FAM184B: variants seen among roughly 807,000 people sequenced by gnomAD.
FAM184B encodes family with sequence similarity 184 member B.
A neutral mutation model predicts 135.9 loss-of-function variants in FAM184B; 111 were observed. That is an observed-to-expected ratio of 0.82 (90% CI 0.70 to 0.96). The LOEUF is 0.96. Among genes scored for constraint, FAM184B ranks in the 40% least tolerant of loss-of-function variants. The pLI is 0.00. For synonymous variants in FAM184B, 552 were observed against 524.8 expected (o/e 1.05, Z -0.71); for missense variants, 1,375 against 1,323.9 (o/e 1.04, Z -0.60).
chr4:17,775,453 G>A (rs1718907758), intron 1 of FAM184B, among the ~76,000 whole-genome samples: 1 of 152,186 alleles, frequency 6.6e-6, no homozygotes, highest in Admixed American at 6.5e-5. Context: ...CCAAACTGCT[G>A]GGATTACAGG....
chr4:17,728,288 G>A (rs1018270716), intron 1 of FAM184B, among the ~76,000 whole-genome samples: 1 of 152,196 alleles, frequency 6.6e-6, no homozygotes, highest in African/African-American at 2.4e-5. Flanking sequence ...TCAGGAGGCT[G>A]AGATGGGAGG....
intron 1 of FAM184B, among the ~76,000 whole-genome samples, chr4:17,770,565 G>A (rs1232977119): frequency 6.6e-6 from 1 of 152,148 alleles, no homozygotes; most frequent in Non-Finnish European, 1.5e-5. Flanking sequence ...CCGGGTTCAA[G>A]TGATTCTCCT....
intron 14 of FAM184B, among the ~76,000 whole-genome samples, chr4:17,636,997 T>C (rs1164054469): frequency 6.6e-6 from 1 of 152,120 alleles, no homozygotes; most frequent in African/African-American, 2.4e-5. Flanking sequence ...CTGGCGGACA[T>C]AGAGCGCGGC....
intron 7 of FAM184B, among the ~76,000 whole-genome samples, chr4:17,682,972 C>A (rs569998126): frequency 6.6e-6 from 1 of 152,274 alleles, no homozygotes; most frequent in South Asian, 2.1e-4. Flanking sequence ...ACCAGCAGAT[C>A]TGCCACCAGA....
intron 10 of FAM184B, among the ~76,000 whole-genome samples, chr4:17,653,994 C>A (rs1348055638): frequency 1.2e-5 from 1 of 86,762 alleles, no homozygotes; most frequent in Non-Finnish European, 2.2e-5. Flanking sequence ...AGCCACGGAA[C>A]TCAGGCGGCC....
chr4:17,649,576 T>G (rs1715552800), intron 11 of FAM184B, among the ~76,000 whole-genome samples: 1 of 98,554 alleles, frequency 1.0e-5, no homozygotes, highest in Admixed American at 1.2e-4. Flanking sequence ...AAAGCAAGAC[T>G]CCATCTCAAA....
intron 1 of FAM184B, among the ~76,000 whole-genome samples, chr4:17,750,710 A>G (rs1314964907): frequency 6.6e-6 from 1 of 152,204 alleles, no homozygotes; most frequent in East Asian, 1.9e-4. Context: ...TAGCTCTATT[A>G]GTTCACATTT....
intron 5 of FAM184B, among the ~76,000 whole-genome samples, chr4:17,700,741 C>A (rs1172303332): frequency 6.6e-6 from 1 of 151,982 alleles, no homozygotes; most frequent in African/African-American, 2.4e-5. Flanking sequence ...CACGTTTGGG[C>A]CAAAAACAAG....
In FAM184B at chr4:17,652,938, T is replaced by C. The variant is rs943720229; in HGVS notation, c.2083A>G (p.Ile695Val). The C allele has an allele frequency of 5.4e-5, 84 of 1,551,582 alleles. No individual in the cohort carries two copies. The highest frequency in any genetic ancestry group is 6.3e-5 in the Non-Finnish European group (72 of 1,146,996). The change falls in exon 11 of 18, where the codon ATC becomes GTC. Residue 695 changes from isoleucine (I) to valine (V), a missense_variant. Physicochemically the swap from Ile to Val is conservative, Grantham distance 29 (BLOSUM62 3). Transcript: ENST00000265018. ...TCCAGTCGGTGTGTCTGGTGTTGGATCTGGAGGCTGTGGCTGGATTCCTTC... is the reference window on the plus strand; with the variant it reads ...TCCAGTCGGTGTGTCTGGTGTTGGACCTGGAGGCTGTGGCTGGATTCCTTC... ...LKKESSHSLQ[I>V]QHQTHRLELQ...
intron 1 of FAM184B, among the ~76,000 whole-genome samples, chr4:17,742,166 A>ATTTT (rs1313249091): frequency 8.2e-5 from 3 of 36,700 alleles, no homozygotes; most frequent in African/African-American, 4.1e-4. Context: ...ATATATATAT[A>ATTTT]TATTTTTTTT....
intron 7 of FAM184B, among the ~76,000 whole-genome samples, chr4:17,671,832 A>G (rs541833872): frequency 6.6e-6 from 1 of 151,976 alleles, no homozygotes; most frequent in Admixed American, 6.6e-5. Context: ...TGAAAACACA[A>G]TAACACAATA....
At chr4:17,675,721 C>T (rs1716297632) in intron 7 of FAM184B, among the ~76,000 whole-genome samples, 1 of 152,180 alleles carries the variant, frequency 6.6e-6, no homozygotes. Context: ...CTTGCTGCAG[C>T]TTCTCCATCA....
intron 5 of FAM184B, among the ~76,000 whole-genome samples, chr4:17,695,162 G>GT (rs71167326): frequency 4.8e-4 from 42 of 87,328 alleles, no homozygotes; most frequent in African/African-American, 1.5e-3. Flanking sequence ...TTTCTTTGTT[G>GT]TTTTTTTTTT....
chr4:17,684,443 G>A (rs1716531367), intron 7 of FAM184B, among the ~76,000 whole-genome samples: 1 of 152,004 alleles, frequency 6.6e-6, no homozygotes, highest in South Asian at 2.1e-4. Context: ...CATATATGTG[G>A]ATTGCTTATT....
intron 1 of FAM184B, among the ~76,000 whole-genome samples, chr4:17,772,892 T>C (rs546723337): frequency 6.6e-6 from 1 of 152,186 alleles, no homozygotes; most frequent in Admixed American, 6.5e-5. Context: ...TATAGGCAGA[T>C]CACTCCAGGA....
chr4:17,652,268 A>G (rs2041415), intron 11 of FAM184B, among the ~76,000 whole-genome samples: 104,464 of 151,222 alleles, frequency 0.69, 36,605 homozygotes, highest in East Asian at 0.93. Flanking sequence ...GGGACTACAG[A>G]CACCTGCCAC....
chr4:17,663,820 G>C (rs1226198505), intron 8 of FAM184B, among the ~76,000 whole-genome samples: 1 of 152,152 alleles, frequency 6.6e-6, no homozygotes, highest in African/African-American at 2.4e-5. Context: ...TGGATCATGG[G>C]GGCCGTTTCC....
chr4:17,741,071 T>C (rs897245087), intron 1 of FAM184B, among the ~76,000 whole-genome samples: 1 of 152,198 alleles, frequency 6.6e-6, no homozygotes, highest in Non-Finnish European at 1.5e-5. Context: ...AAATATTTAT[T>C]GAGTGCCTGC....
At chr4:17,759,899 C>T (rs1180818191) in intron 1 of FAM184B, among the ~76,000 whole-genome samples, 1 of 152,100 alleles carries the variant, frequency 6.6e-6, no homozygotes, top group African/African-American at 2.4e-5. Context: ...ATCTACAGGC[C>T]AAGGTGGGTA....
Sources: gnomAD v4.1 joint callset for allele counts (sites outside exome capture counted in the v4.1 genomes callset) on GRCh38, gnomAD v4.1.1 for gene constraint, MANE v1.5 for transcripts, NCBI Gene and HGNC (gene_info 2026-07-23, HGNC 2026-07-21) for gene names.